The following CPNE8 variants were observed in gnomAD, a reference collection of about 807,000 sequenced individuals.
The protein encoded by CPNE8 is copine-8.
Under a neutral mutation model 81.5 loss-of-function variants are expected in CPNE8, and 45 were observed. The observed-to-expected ratio is 0.55, with a 90% CI of 0.44 to 0.71. The LOEUF is 0.71. Ranked by LOEUF, CPNE8 falls within the 30% of genes least tolerant of loss-of-function variation. The probability of loss-of-function intolerance (pLI) is 0.00; values close to 1 mark genes in which losing one functional copy is unlikely to be tolerated. For synonymous variants in CPNE8, 252 were observed against 226.3 expected (o/e 1.11, Z -1.02); for missense variants, 594 against 672.1 (o/e 0.88, Z 1.28).
At chr12:38,837,385 T>C (rs1294825050) in intron 5 of CPNE8, among the ~76,000 whole-genome samples, 1 of 152,152 alleles carries the variant, frequency 6.6e-6, no homozygotes, top group Non-Finnish European at 1.5e-5. Flanking sequence ...AGTTTTAGGC[T>C]TCTGTGGAGT....
At chr12:38,842,762 G>A (rs1943494225) in intron 4 of CPNE8, among the ~76,000 whole-genome samples, 1 of 151,738 alleles carries the variant, frequency 6.6e-6, no homozygotes, top group Non-Finnish European at 1.5e-5. Context: ...ATTTTTAGTA[G>A]AGACGGGGTT....
At chr12:38,725,511 C>A (rs1036363565) in intron 11 of CPNE8, among the ~76,000 whole-genome samples, 2 of 152,052 alleles carry the variant, frequency 1.3e-5, no homozygotes, top group African/African-American at 4.8e-5. Flanking sequence ...TAAGACCTGC[C>A]GATCTAATGG....
chr12:38,871,377 C>T (rs1943989500), intron 3 of CPNE8, among the ~76,000 whole-genome samples: 1 of 152,174 alleles, frequency 6.6e-6, no homozygotes, highest in South Asian at 2.1e-4. Context: ...TTTGTGGACA[C>T]CCTGGTCAAT....
At chr12:38,843,175 G>C (rs1358239567) in intron 4 of CPNE8, among the ~76,000 whole-genome samples, 2 of 152,172 alleles carry the variant, frequency 1.3e-5, no homozygotes, top group Admixed American at 1.3e-4. Flanking sequence ...TATTACTACA[G>C]TAATGAATTG....
chr12:38,760,117 C>T (rs1941542664), intron 10 of CPNE8, among the ~76,000 whole-genome samples: 1 of 152,108 alleles, frequency 6.6e-6, no homozygotes. Flanking sequence ...CCTTTGCTTT[C>T]CCATTTATCA....
At chr12:38,835,499 G>A (rs1167582517) in intron 5 of CPNE8, among the ~76,000 whole-genome samples, 1 of 152,124 alleles carries the variant, frequency 6.6e-6, no homozygotes, top group African/African-American at 2.4e-5. Flanking sequence ...CAAAATGTAA[G>A]CTGCTTTAGG....
intron 6 of CPNE8, among the ~76,000 whole-genome samples, chr12:38,779,500 T>C (rs952057377): frequency 6.6e-6 from 1 of 152,150 alleles, no homozygotes; most frequent in African/African-American, 2.4e-5. Flanking sequence ...AAGGTGGAGA[T>C]GAGTGAAAGA....
intron 2 of CPNE8, 85 bp downstream of exon 2, chr12:38,874,386 A>G: frequency 9.7e-7 from 1 of 1,026,962 alleles, no homozygotes; most frequent in Non-Finnish European, 1.5e-6. Context: ...AGGCTTTAAA[A>G]CAAACCTTTA....
intron 1 of CPNE8, among the ~76,000 whole-genome samples, chr12:38,888,783 T>G (rs1338110700): frequency 6.6e-6 from 1 of 152,168 alleles, no homozygotes; most frequent in East Asian, 1.9e-4. Context: ...AACCACTGAA[T>G]GAAACAGGCA....
At chr12:38,766,109 C>T (rs556106260) in intron 8 of CPNE8, among the ~76,000 whole-genome samples, 235 of 152,256 alleles carry the variant, frequency 1.5e-3, no homozygotes, top group African/African-American at 5.0e-3. Context: ...CCGCCTGCCT[C>T]GGCCTCCTAC....
chr12:38,901,893 C>T (rs927463335), intron 1 of CPNE8, among the ~76,000 whole-genome samples: 5 of 152,110 alleles, frequency 3.3e-5, no homozygotes, highest in African/African-American at 7.2e-5. Flanking sequence ...GCCCCGTTAC[C>T]GTGTCTTATG....
chr12:38,772,569 T>C (rs531473701), intron 7 of CPNE8, among the ~76,000 whole-genome samples: 1 of 152,196 alleles, frequency 6.6e-6, no homozygotes, highest in South Asian at 2.1e-4. Context: ...AAAGATTAGC[T>C]CACGCCTGTT....
At chr12:38,811,301 A>C (rs545741160) in intron 6 of CPNE8, among the ~76,000 whole-genome samples, 2 of 152,204 alleles carry the variant, frequency 1.3e-5, no homozygotes, top group Non-Finnish European at 2.9e-5. Flanking sequence ...ATAGATTATT[A>C]CAGAACAATG....
At position 38,721,433 on chromosome 12, in the gene CPNE8, C is replaced by T. The variant is rs115075177; in HGVS notation, c.914+2339G>A. On this transcript the variant is annotated intron_variant, in intron 13 of 19. Transcript: ENST00000331366. ...TTCCCACTCCAGGGTCCCCTCTCTG[C>T]TAGGAGCTAAACACTAGGGGCGCCC... 3.7e-3 allele frequency among the ~76,000 whole-genome samples: 566 copies of T among 152,222 alleles called. 3 individuals carry two copies. Among genetic ancestry groups the T allele is most frequent in the African/African-American group, 0.012 (485 of 41,540 alleles).
chr12:38,694,326 T>C (rs1441220307), intron 14 of CPNE8, among the ~76,000 whole-genome samples: 1 of 152,150 alleles, frequency 6.6e-6, no homozygotes, highest in Non-Finnish European at 1.5e-5. Context: ...AGTATAGTGA[T>C]TTTCAAGTGC....
intron 1 of CPNE8, among the ~76,000 whole-genome samples, chr12:38,897,238 G>C (rs1944400657): frequency 6.6e-6 from 1 of 152,090 alleles, no homozygotes; most frequent in Non-Finnish European, 1.5e-5. Flanking sequence ...AGTGCAGCCA[G>C]TAGCTTAGCC....
At chr12:38,717,787 C>T (rs1420905336) in intron 13 of CPNE8, among the ~76,000 whole-genome samples, 1 of 151,446 alleles carries the variant, frequency 6.6e-6, no homozygotes, top group African/African-American at 2.4e-5. Context: ...AACCAAAATC[C>T]ACCTGTACCC....
intron 3 of CPNE8, among the ~76,000 whole-genome samples, chr12:38,866,380 T>C (rs1371262676): frequency 6.6e-6 from 1 of 152,158 alleles, no homozygotes; most frequent in Non-Finnish European, 1.5e-5. Flanking sequence ...AAAATAAAAA[T>C]ATTCAGTTGT....
chr12:38,714,784 G>A (rs978014911), intron 13 of CPNE8, among the ~76,000 whole-genome samples: 15 of 151,926 alleles, frequency 9.9e-5, no homozygotes, highest in African/African-American at 1.7e-4. Flanking sequence ...AATATTTTAC[G>A]GATTGAGACA....
Sources: gnomAD v4.1 joint callset for allele counts (sites outside exome capture counted in the v4.1 genomes callset) on GRCh38, gnomAD v4.1.1 for gene constraint, MANE v1.5 for transcripts, NCBI Gene and HGNC (gene_info 2026-07-23, HGNC 2026-07-21) for gene names.